The following C2orf42 variants were observed in gnomAD, a reference collection of about 807,000 sequenced individuals.
C2orf42 encodes chromosome 2 open reading frame 42, also known as uncharacterized protein C2orf42.
In C2orf42, 44 loss-of-function variants were observed where a neutral mutation model predicts 58.9. The ratio of observed to expected loss-of-function variants is 0.75; its 90% CI spans 0.59 to 0.96. C2orf42 has a LOEUF of 0.96. Ranked by LOEUF, C2orf42 falls within the 40% of genes least tolerant of loss-of-function variation. The pLI, the probability that C2orf42 is intolerant of heterozygous loss-of-function variation, is 0.00. For missense variants in C2orf42, 630 were observed against 699.2 expected, an observed-to-expected ratio of 0.90 and a Z score of 1.12; for synonymous variants, 239 against 265.4, an observed-to-expected ratio of 0.90 and a Z score of 0.97.
At position 70,160,751 on chromosome 2, in the gene C2orf42, G is replaced by C; in HGVS notation, c.1390C>G (p.Arg464Gly). The C allele has an allele frequency of 6.2e-7, 1 of 1,609,328 alleles. No homozygotes were observed. Among genetic ancestry groups the C allele is most frequent in the African/African-American group, 1.3e-5 (1 of 74,652 alleles). ...LEITRSFIQNRDGTYELFKCP... is the reference protein window; with the variant it reads ...LEITRSFIQNGDGTYELFKCP... Reference sequence around the variant, plus strand: ...TTAAATAGCTCATAAGTCCCATCTCGGTTCTGGATAAAGCTACGGGTGATT... The same window carrying C: ...TTAAATAGCTCATAAGTCCCATCTCCGTTCTGGATAAAGCTACGGGTGATT... Residue 464 changes from arginine to glycine, a missense_variant, in exon 9 of 10, where the codon CGA (arginine) becomes GGA (glycine). Transcript: ENST00000264434.
intron 9 of C2orf42, among the ~76,000 whole-genome samples, chr2:70,152,524 T>C (rs989694883): frequency 1.3e-5 from 2 of 152,156 alleles, no homozygotes; most frequent in Non-Finnish European, 2.9e-5. Flanking sequence ...CCATAGCATA[T>C]CCCATCTTTC....
At chr2:70,153,607 C>A (rs1207009548) in intron 9 of C2orf42, among the ~76,000 whole-genome samples, 1 of 148,902 alleles carries the variant, frequency 6.7e-6, no homozygotes, top group East Asian at 2.0e-4. Flanking sequence ...GATCCACCCG[C>A]CTTGGCCTCC....
intron 1 of C2orf42, among the ~76,000 whole-genome samples, chr2:70,189,346 C>A (rs1288763010): frequency 8.2e-6 from 1 of 121,918 alleles, no homozygotes; most frequent in African/African-American, 3.1e-5. Flanking sequence ...CCAGAGGTTG[C>A]GGTGAGCCAA....
At position 70,181,785 on chromosome 2, in the gene C2orf42, A is replaced by G. The variant is rs112960249; in HGVS notation, c.201T>C (p.Ile67=). 5 of 1,614,126 alleles carry G rather than the reference A, an allele frequency of 3.1e-6. 1 individual carries two copies. Among genetic ancestry groups the G allele is most frequent in the African/African-American group, 2.7e-5 (2 of 75,034 alleles). ...KQPSVEAVKI[I]TGSDLQVYSV... ...AGTAGACCTGAAGATCAGAGCCTGT[A>G]ATGATTTTGACAGCTTCAACACTAG... The change falls in exon 3 of 10, where the codon ATT becomes ATC. Residue 67 remains isoleucine, a synonymous_variant. Transcript: ENST00000264434.
chr2:70,184,412 A>G (rs1674785647), intron 1 of C2orf42, among the ~76,000 whole-genome samples: 1 of 150,418 alleles, frequency 6.6e-6, no homozygotes, highest in East Asian at 1.9e-4. Flanking sequence ...CCTGACCTCC[A>G]GTGATCTGCC....
intron 5 of C2orf42, among the ~76,000 whole-genome samples, chr2:70,169,946 A>C (rs920762733): frequency 1.3e-5 from 2 of 151,712 alleles, no homozygotes; most frequent in African/African-American, 4.8e-5. Flanking sequence ...TTTAGTAGAG[A>C]TGGGGTTTCA....
intron 9 of C2orf42, among the ~76,000 whole-genome samples, chr2:70,156,443 C>A (rs894691475): frequency 6.6e-6 from 1 of 151,776 alleles, no homozygotes; most frequent in East Asian, 1.9e-4. Context: ...TATGATCACA[C>A]CTGGAAATAG....
chr2:70,169,967 C>T (rs1055882185), intron 5 of C2orf42, among the ~76,000 whole-genome samples: 1 of 151,988 alleles, frequency 6.6e-6, no homozygotes, highest in Non-Finnish European at 1.5e-5. Context: ...TCATGTTGGC[C>T]AGGCTGGTCT....
rs577479936 is a variant in C2orf42, at chr2:70,181,403, C to T, written c.583G>A (p.Ala195Thr). 4 of 1,614,140 alleles carry T rather than the reference C, an allele frequency of 2.5e-6. No individual in the cohort carries two copies. Among genetic ancestry groups the T allele is most frequent in the Non-Finnish European group, 3.4e-6 (4 of 1,180,004 alleles). ...TACCCCAAACTGTGCTTCTGGCTTGCCTTGCATTTCACCACCAAGATGTTT... is the reference window on the plus strand; with the variant it reads ...TACCCCAAACTGTGCTTCTGGCTTGTCTTGCATTTCACCACCAAGATGTTT... ...TKNILVVKCK[A>T]SQKHSLGYLH... Residue 195 changes from alanine (A) to threonine (T), a missense_variant, in exon 3 of 10, where the codon GCA becomes ACA. By Grantham distance (58) the Ala-to-Thr change is moderately conservative (BLOSUM62 0). Transcript: ENST00000264434.
intron 5 of C2orf42, among the ~76,000 whole-genome samples, chr2:70,172,238 A>AG (rs1378580779): frequency 0.015 from 2,246 of 150,060 alleles, 62 homozygotes; most frequent in African/African-American, 0.053. Context: ...AAAAAAAAAA[A>AG]AAAAAGGCTA....
intron 7 of C2orf42, 104 bp downstream of exon 7, chr2:70,165,424 T>C: frequency 1.4e-6 from 1 of 715,762 alleles, no homozygotes; most frequent in South Asian, 1.7e-5. Context: ...TGAGTAGAAG[T>C]CCTAACTCTG....
chr2:70,160,510 A>G, intron 9 of C2orf42, 115 bp downstream of exon 9: 1 of 672,536 alleles, frequency 1.5e-6, no homozygotes, highest in Admixed American at 2.9e-5. Context: ...TTGCCTTTAC[A>G]AGGTGAATGA....
intron 9 of C2orf42, among the ~76,000 whole-genome samples, chr2:70,154,535 C>T (rs2104829221): frequency 7.1e-6 from 1 of 140,384 alleles, no homozygotes; most frequent in East Asian, 2.1e-4. Context: ...AGGAAGAAAA[C>T]AGAAAGATTA....
intron 9 of C2orf42, among the ~76,000 whole-genome samples, chr2:70,152,507 A>C (rs1672371717): frequency 1.3e-5 from 2 of 152,204 alleles, no homozygotes; most frequent in Admixed American, 1.3e-4. Flanking sequence ...ACCTACCCAG[A>C]CTTTGGCCAT....
intron 1 of C2orf42, among the ~76,000 whole-genome samples, chr2:70,184,127 C>T (rs1674767095): frequency 6.6e-6 from 1 of 152,064 alleles, no homozygotes; most frequent in Admixed American, 6.6e-5. Flanking sequence ...GTAAAAATTA[C>T]AGTCGGGGAC....
intron 9 of C2orf42, among the ~76,000 whole-genome samples, chr2:70,154,649 T>C (rs938336910): frequency 2.6e-5 from 4 of 152,162 alleles, no homozygotes; most frequent in African/African-American, 9.6e-5. Flanking sequence ...ATGGTTTGTA[T>C]CAACCAGATA....
intron 9 of C2orf42, among the ~76,000 whole-genome samples, chr2:70,151,120 G>A (rs991781376): frequency 6.6e-6 from 1 of 152,194 alleles, no homozygotes; most frequent in African/African-American, 2.4e-5. Flanking sequence ...TGGTGGGCAA[G>A]GCGAGAGGAT....
At position 70,181,710 on chromosome 2, in the gene C2orf42, G is replaced by A. The variant is rs768125272; in HGVS notation, c.276C>T (p.Leu92=). ...TCTGGATTGTTGTCTCTGAAACCCCGAGCTCCACAAAGCATCGGTAATCAG... is the reference window on the plus strand; with the variant it reads ...TCTGGATTGTTGTCTCTGAAACCCCAAGCTCCACAAAGCATCGGTAATCAG... ...RGPDYRCFVE[L]GVSETTIQTV... Residue 92 remains leucine, a synonymous_variant, in exon 3 of 10, where the codon CTC becomes CTT. Coordinates refer to ENST00000264434, the MANE Select transcript of C2orf42 (RefSeq NM_017880.3). The A allele has an allele frequency of 9.4e-5, 152 of 1,614,146 alleles. No individual in the cohort carries two copies. Among genetic ancestry groups the A allele is most frequent in the Middle Eastern group, 3.3e-4 (2 of 6,062 alleles).
intron 4 of C2orf42, among the ~76,000 whole-genome samples, chr2:70,178,182 G>A (rs1227095809): frequency 6.6e-6 from 1 of 152,220 alleles, no homozygotes; most frequent in Non-Finnish European, 1.5e-5. Flanking sequence ...GTCCATGGGT[G>A]TGGACCAAGT....
Sources: gnomAD v4.1 joint callset for allele counts (sites outside exome capture counted in the v4.1 genomes callset) on GRCh38, gnomAD v4.1.1 for gene constraint, MANE v1.5 for transcripts, NCBI Gene and HGNC (gene_info 2026-07-23, HGNC 2026-07-21) for gene names.